DHRSX: variants seen among roughly 807,000 people sequenced by gnomAD.
DHRSX encodes polyprenol dehydrogenase.
Under a neutral mutation model 34.0 loss-of-function variants are expected in DHRSX, and 31 were observed. The ratio of observed to expected loss-of-function variants is 0.91; its 90% CI spans 0.69 to 1.23. DHRSX has a LOEUF of 1.23. Ranked by LOEUF, DHRSX falls within the 50% of genes most tolerant of loss-of-function variation. The pLI, the probability that DHRSX is intolerant of heterozygous loss-of-function variation, is 0.00. For missense variants in DHRSX, 414 were observed against 428.1 expected (o/e 0.97, Z 0.29); for synonymous variants, 201 against 183.8 (o/e 1.09, Z -0.76).
intron 3 of DHRSX, among the ~76,000 whole-genome samples, chrX:2,386,007 C>A (rs2043266807): frequency 6.6e-6 from 1 of 151,662 alleles, no homozygotes; most frequent in African/African-American, 2.4e-5. Flanking sequence ...CAGTCACAGG[C>A]AATAAGTAAA....
intron 1 of DHRSX, chrX:2,489,729 T>C (rs768397574): frequency 2.6e-5 from 42 of 1,613,040 alleles, no homozygotes; most frequent in African/African-American, 5.3e-5. Flanking sequence ...TCATAGAGCA[T>C]GTACATGGCC....
At chrX:2,452,153 G>C (rs186251914) in intron 1 of DHRSX, among the ~76,000 whole-genome samples, 1 of 152,042 alleles carries the variant, frequency 6.6e-6, no homozygotes, top group African/African-American at 2.4e-5. Flanking sequence ...ACACACTGAA[G>C]ACATTCCCTA....
chrX:2,390,246 C>T (rs757640981), intron 3 of DHRSX, among the ~76,000 whole-genome samples: 4 of 148,774 alleles, frequency 2.7e-5, no homozygotes, highest in Non-Finnish European at 5.9e-5. Flanking sequence ...CGGATTCAAG[C>T]GATTCTCCTG....
intron 1 of DHRSX, among the ~76,000 whole-genome samples, chrX:2,456,842 G>C (rs1029836844): frequency 3.3e-5 from 5 of 152,112 alleles, no homozygotes; most frequent in African/African-American, 1.2e-4. Context: ...TCTCTGATCT[G>C]AGTGCGGCTG....
At chrX:2,424,226 C>G (rs1173167436) in intron 2 of DHRSX, among the ~76,000 whole-genome samples, 1 of 151,984 alleles carries the variant, frequency 6.6e-6, no homozygotes, top group Non-Finnish European at 1.5e-5. Flanking sequence ...CCTGCCCACA[C>G]CTGGATCTCA....
intron 3 of DHRSX, among the ~76,000 whole-genome samples, chrX:2,351,502 T>C (rs1211390871): frequency 6.6e-6 from 1 of 152,084 alleles, no homozygotes; most frequent in African/African-American, 2.4e-5. Context: ...GACTTGGAGA[T>C]TGAGAAAGCA....
chrX:2,372,891 C>T (rs1221173768), intron 3 of DHRSX, among the ~76,000 whole-genome samples: 3 of 152,116 alleles, frequency 2.0e-5, no homozygotes, highest in South Asian at 2.1e-4. Context: ...GGATTACAGG[C>T]GTCAGCCACC....
chrX:2,272,074 G>T (rs1298249001), intron 4 of DHRSX, among the ~76,000 whole-genome samples: 5 of 151,488 alleles, frequency 3.3e-5, no homozygotes, highest in African/African-American at 1.2e-4. Context: ...TCTGTTTCTT[G>T]CAGCACAACT....
chrX:2,480,348 G>A (rs1358832237), intron 1 of DHRSX, among the ~76,000 whole-genome samples: 1 of 150,604 alleles, frequency 6.6e-6, no homozygotes, highest in Non-Finnish European at 1.5e-5. Context: ...GTGGTTGCCA[G>A]GGAAGAATGC....
At position 2,473,059 on chromosome X, in the gene DHRSX, T is replaced by C. The variant is rs775661545; in HGVS notation, c.109+27758A>G. Among the ~76,000 whole-genome samples, 33 of 152,182 alleles carry C rather than the reference T, an allele frequency of 2.2e-4. No homozygotes were observed. The South Asian group carries it at 5.4e-3, about 25-fold the overall frequency. ...GTCCACTGCAAAGCTCCATGGCACCTAGCTCTAGCCAGTTTGTTCACAGCC... is the reference window on the plus strand; with the variant it reads ...GTCCACTGCAAAGCTCCATGGCACCCAGCTCTAGCCAGTTTGTTCACAGCC... On this transcript the variant is annotated intron_variant, in intron 1 of 6. Transcript: ENST00000334651.
At chrX:2,265,974 G>A (rs1322047637) in intron 5 of DHRSX, among the ~76,000 whole-genome samples, 2 of 140,142 alleles carry the variant, frequency 1.4e-5, no homozygotes, top group Non-Finnish European at 3.1e-5. Flanking sequence ...CAGATGCAGG[G>A]AGCACTGTTC....
At chrX:2,310,068 C>T (rs1042557487) in intron 3 of DHRSX, among the ~76,000 whole-genome samples, 24 of 152,190 alleles carry the variant, frequency 1.6e-4, no homozygotes, top group African/African-American at 5.5e-4. Flanking sequence ...CGTCCCTACG[C>T]ATCCTAATAA....
chrX:2,399,406 T>TAAAA (rs776224649), intron 3 of DHRSX, among the ~76,000 whole-genome samples: 3 of 142,302 alleles, frequency 2.1e-5, no homozygotes, highest in Admixed American at 7.0e-5. Flanking sequence ...ATTTTATGTT[T>TAAAA]AAAAAAAAAA....
chrX:2,266,738 A>G lies in DHRSX; in HGVS notation c.596+2T>C. The G allele has an allele frequency of 6.2e-7, 1 of 1,613,840 alleles. No homozygotes were observed. The highest frequency in any genetic ancestry group is 2.2e-5 in the East Asian group (1 of 44,884). On this transcript the variant is annotated splice_donor_variant, in intron 5 of 6. Coordinates refer to ENST00000334651, the MANE Select transcript of DHRSX (RefSeq NM_145177.3). LOFTEE classifies it high-confidence loss of function. ...TTATGATTATTCACAGGGTGCACCTACCTGCTCTGAAGGTCATCCATGTTC... is the reference window on the plus strand; with the variant it reads ...TTATGATTATTCACAGGGTGCACCTGCCTGCTCTGAAGGTCATCCATGTTC...
rs1403438304 is a variant in DHRSX at position 2,461,753 on chromosome X, C to T, written c.110-36449G>A. On this transcript the variant is annotated intron_variant, in intron 1 of 6. Transcript: ENST00000334651. The stretch of plus-strand genomic sequence containing the variant: ...AGACACAGCATCTCTCGCTTGGTTT[C>T]CCAGGCTGTGATCACAGCTCACTGC... Among the ~76,000 whole-genome samples, 3 of 151,868 alleles carry T rather than the reference C, an allele frequency of 2.0e-5. No homozygotes were observed. The East Asian group carries it at 5.8e-4, about 29-fold the overall frequency.
intron 3 of DHRSX, among the ~76,000 whole-genome samples, chrX:2,300,723 T>C (rs977665886): frequency 1.1e-4 from 16 of 152,266 alleles, no homozygotes; most frequent in African/African-American, 3.4e-4. Flanking sequence ...GACAGCTTAT[T>C]GTAGGACCTT....
At chrX:2,428,954 C>T (rs1047959079) in intron 1 of DHRSX, among the ~76,000 whole-genome samples, 16 of 152,062 alleles carry the variant, frequency 1.1e-4, no homozygotes, top group African/African-American at 3.6e-4. Flanking sequence ...TTTGTCAGCC[C>T]GTACATTTCG....
At chrX:2,448,398 A>G (rs2044168222) in intron 1 of DHRSX, among the ~76,000 whole-genome samples, 2 of 152,306 alleles carry the variant, frequency 1.3e-5, no homozygotes, top group South Asian at 4.1e-4. Context: ...TCAAAGATCT[A>G]TCACACCACA....
chrX:2,306,676 T>C (rs975959132), intron 3 of DHRSX, among the ~76,000 whole-genome samples: 4 of 152,130 alleles, frequency 2.6e-5, no homozygotes, highest in African/African-American at 9.7e-5. Flanking sequence ...TTTGACGCAC[T>C]GCTGGATTCT....
Sources: gnomAD v4.1 joint callset for allele counts (sites outside exome capture counted in the v4.1 genomes callset) on GRCh38, gnomAD v4.1.1 for gene constraint, MANE v1.5 for transcripts, NCBI Gene and HGNC (gene_info 2026-07-23, HGNC 2026-07-21) for gene names.